GRM1: variants seen among roughly 807,000 people sequenced by gnomAD.
GRM1 encodes glutamate metabotropic receptor 1.
Under a neutral mutation model 90.9 loss-of-function variants are expected in GRM1, and 33 were observed. That is an observed-to-expected ratio of 0.36 (90% CI 0.28 to 0.49). The LOEUF (loss-of-function observed/expected upper bound fraction) is 0.49. Ranked by LOEUF, GRM1 falls within the 20% of genes least tolerant of loss-of-function variation. The pLI is 0.99. For synonymous variants in GRM1, 700 were observed against 613.2 expected (o/e 1.14, Z -2.09); for missense variants, 1,190 against 1,534.3 (o/e 0.78, Z 3.75).
Position 146,399,267 on chromosome 6 carries a change from A to ACCTTATCT in GRM1, c.2229_2236dup (p.Cys746SerfsTer23). ...TCCTACCCAAGTATCAAGGAAGTCT[A>ACCTTATCT]CCTTATCTGCAATACCAGCAACCTG... On this transcript the variant is annotated frameshift_variant, in exon 7 of 8. Transcript: ENST00000282753. LOFTEE classifies it high-confidence loss of function. This position sits in a 1 kb window ranked among gnomAD's most constrained non-coding sequence, Gnocchi z 5.4. 6.2e-7 allele frequency: 1 copy of ACCTTATCT among 1,614,040 alleles called. No individual in the cohort carries two copies. The highest frequency in any genetic ancestry group is 8.5e-7 in the Non-Finnish European group (1 of 1,180,016).
At chr6:146,033,261 G>A (rs1790769462) in intron 1 of GRM1, among the ~76,000 whole-genome samples, 1 of 152,102 alleles carries the variant, frequency 6.6e-6, no homozygotes, top group Non-Finnish European at 1.5e-5. Context: ...TACCTGGAAT[G>A]TGAGTCTTTA....
intron 1 of GRM1, among the ~76,000 whole-genome samples, chr6:146,047,122 T>C (rs1167512500): frequency 2.0e-5 from 3 of 151,998 alleles, no homozygotes; most frequent in Non-Finnish European, 4.4e-5. Context: ...GTGGAGCTGG[T>C]TGGAAAAGCG....
At chr6:146,369,007 C>A (rs1046974069) in intron 5 of GRM1, among the ~76,000 whole-genome samples, 1 of 151,936 alleles carries the variant, frequency 6.6e-6, no homozygotes, top group African/African-American at 2.4e-5. Context: ...ATTTTTATTA[C>A]TGATTCAATC....
chr6:146,134,192 G>A (rs1478171007), intron 1 of GRM1, among the ~76,000 whole-genome samples: 2 of 152,182 alleles, frequency 1.3e-5, no homozygotes, highest in Non-Finnish European at 2.9e-5. Context: ...TGCCTGGGCT[G>A]TGTTCTCCTC....
intron 2 of GRM1, among the ~76,000 whole-genome samples, chr6:146,267,671 G>A (rs11155460): frequency 1.8e-5 from 2 of 108,468 alleles, no homozygotes; most frequent in South Asian, 5.0e-4. Context: ...GGCTGGGCTG[G>A]GCTGGGCTGG....
intron 3 of GRM1, among the ~76,000 whole-genome samples, chr6:146,350,766 T>G (rs1218952834): frequency 6.6e-6 from 1 of 152,234 alleles, no homozygotes; most frequent in Non-Finnish European, 1.5e-5. Flanking sequence ...GTGGTTTGAT[T>G]TTAAAATGCC....
chr6:146,271,390 T>C (rs1352542470), intron 2 of GRM1, among the ~76,000 whole-genome samples: 1 of 152,014 alleles, frequency 6.6e-6, no homozygotes, highest in Non-Finnish European at 1.5e-5. Context: ...AACCAGACTG[T>C]AATGAGGTAG....
At chr6:146,405,757 T>A (rs1777325751) in intron 7 of GRM1, among the ~76,000 whole-genome samples, 1 of 152,198 alleles carries the variant, frequency 6.6e-6, no homozygotes. Flanking sequence ...AGGAGCCCCA[T>A]CCTTATGACT....
At chr6:146,089,823 TAA>T (rs1776658332) in intron 1 of GRM1, among the ~76,000 whole-genome samples, 1 of 152,060 alleles carries the variant, frequency 6.6e-6, no homozygotes, top group Admixed American at 6.6e-5. Flanking sequence ...CTCAAAAGAA[TAA>T]AGAGATATCG....
chr6:146,229,078 C>G (rs1780356776), intron 2 of GRM1, among the ~76,000 whole-genome samples: 1 of 151,948 alleles, frequency 6.6e-6, no homozygotes, highest in Non-Finnish European at 1.5e-5. Flanking sequence ...AGGAAATATG[C>G]TTTAGTAGCA....
chr6:146,154,714 T>G (rs1371018952), intron 1 of GRM1, among the ~76,000 whole-genome samples: 1 of 152,218 alleles, frequency 6.6e-6, no homozygotes, highest in Middle Eastern at 3.2e-3. Context: ...AATACTGTCA[T>G]ATTTTTACAA....
intron 1 of GRM1, among the ~76,000 whole-genome samples, chr6:146,146,086 A>G (rs1777084271): frequency 1.3e-5 from 1 of 77,140 alleles, no homozygotes; most frequent in African/African-American, 4.2e-5. Context: ...CCCTGTGCCT[A>G]TGTACTACCA....
At chr6:146,199,107 A>G (rs921265091) in intron 2 of GRM1, among the ~76,000 whole-genome samples, 13 of 152,184 alleles carry the variant, frequency 8.5e-5, no homozygotes, top group African/African-American at 2.9e-4. Flanking sequence ...CAGAGTTACC[A>G]TTGGACAATT....
chr6:146,264,792 A>T (rs1254090584), intron 2 of GRM1, among the ~76,000 whole-genome samples: 5 of 152,110 alleles, frequency 3.3e-5, no homozygotes, highest in African/African-American at 1.2e-4. Context: ...GGAGTATATG[A>T]TTTACTGTTT....
At chr6:146,088,411 T>C (rs1334785635) in intron 1 of GRM1, among the ~76,000 whole-genome samples, 1 of 152,120 alleles carries the variant, frequency 6.6e-6, no homozygotes, top group Non-Finnish European at 1.5e-5. Context: ...ACACCTGATA[T>C]TTCAAGACCA....
intron 5 of GRM1, among the ~76,000 whole-genome samples, chr6:146,361,768 G>A (rs541438795): frequency 1.4e-4 from 22 of 152,310 alleles, no homozygotes; most frequent in African/African-American, 5.1e-4. Flanking sequence ...CTTGGAGCCA[G>A]CTCAAAGCTG....
At chr6:146,316,100 TG>T (rs1029205734) in intron 3 of GRM1, among the ~76,000 whole-genome samples, 4 of 152,302 alleles carry the variant, frequency 2.6e-5, no homozygotes, top group South Asian at 2.1e-4. Context: ...AGAGTCTCCC[TG>T]GGGTAACATT....
At chr6:146,314,298 A>G (rs1367285425) in intron 3 of GRM1, among the ~76,000 whole-genome samples, 2 of 151,064 alleles carry the variant, frequency 1.3e-5, no homozygotes, top group East Asian at 1.9e-4. Context: ...CTGATCTCGA[A>G]CTCCTGACCT....
chr6:146,038,126 T>TGTAAAATAAG (rs1562420331), intron 1 of GRM1, among the ~76,000 whole-genome samples: 1 of 151,786 alleles, frequency 6.6e-6, no homozygotes, highest in Non-Finnish European at 1.5e-5. Flanking sequence ...AGGGCAGAAA[T>TGTAAAATAAG]GTAAAATAAG....
Sources: allele counts gnomAD v4.1 joint callset (sites outside exome capture counted in the v4.1 genomes callset), GRCh38; gene constraint gnomAD v4.1.1; non-coding constraint Gnocchi (gnomAD v3.1); transcripts MANE v1.5; gene names NCBI Gene and HGNC (gene_info 2026-07-23, HGNC 2026-07-21).